The following AGAP1 variants were observed in gnomAD, a reference collection of about 807,000 sequenced individuals.
AGAP1 encodes ArfGAP with GTPase domain, ankyrin repeat and PH domain 1, also known as arf-GAP with GTPase, ANK repeat and PH domain-containing protein 1.
Under a neutral mutation model 105.3 loss-of-function variants are expected in AGAP1, and 29 were observed. The observed-to-expected ratio is 0.28, with a 90% CI of 0.21 to 0.38. The LOEUF (loss-of-function observed/expected upper bound fraction) is 0.38. Among genes scored for constraint, AGAP1 ranks in the 10% least tolerant of loss-of-function variants. The pLI is 1.00. For synonymous variants in AGAP1, 509 were observed against 485.9 expected (o/e 1.05, Z -0.63); for missense variants, 998 against 1,165.1 (o/e 0.86, Z 2.09).
chr2:236,095,829 T>G lies in AGAP1; in HGVS notation c.2115-24363T>G, dbSNP rs1044653729. Among the ~76,000 whole-genome samples, 12 of 152,180 alleles carry G rather than the reference T, an allele frequency of 7.9e-5. No homozygotes were observed. Among genetic ancestry groups the G allele is most frequent in the African/African-American group, 2.9e-4 (12 of 41,458 alleles). On this transcript the variant is annotated intron_variant, in intron 16 of 17. Coordinates refer to ENST00000304032, the MANE Select transcript of AGAP1 (RefSeq NM_001037131.3). The surrounding 1 kb of genome is among the most constrained non-coding windows in gnomAD (Gnocchi z 4.1). ...AAGAGCTGGCCAACTTCCACGATCA[T>G]TATATTTTTGAGTTTTGCATCATGG...
Position 236,120,352 on chromosome 2 carries a change from G to C in AGAP1, c.2275G>C (p.Glu759Gln). 1 of 1,611,960 alleles carries C rather than the reference G, an allele frequency of 6.2e-7. No homozygotes were observed. Among genetic ancestry groups the C allele is most frequent in the Non-Finnish European group, 8.5e-7 (1 of 1,179,738 alleles). ...ILLLAHGSRD[E>Q]VNETCGEGDG... ...GCTGCTGGCACACGGCTCCCGGGAC[G>C]AGGTGAACGAGACCTGCGGGGAGGG... Residue 759 changes from glutamate (E) to glutamine (Q), a missense_variant, in exon 17 of 18, where the codon GAG (glutamate) becomes CAG (glutamine). This residue lies in a region of AGAP1 where 235 missense variants were observed against 270.7 expected (regional missense o/e 0.87). Coordinates refer to ENST00000304032, the MANE Select transcript of AGAP1 (RefSeq NM_001037131.3). The surrounding 1 kb of genome is among the most constrained non-coding windows in gnomAD (Gnocchi z 6.0).
intron 11 of AGAP1, among the ~76,000 whole-genome samples, chr2:235,916,742 A>C (rs543798901): frequency 1.5e-3 from 232 of 152,374 alleles, no homozygotes; most frequent in Non-Finnish European, 2.5e-3. Flanking sequence ...TTAATTCATC[A>C]TCATGGTTAT....
In AGAP1 at chr2:235,531,065, A is replaced by G. The variant is rs530626572; in HGVS notation, c.163+36216A>G. On this transcript the variant is annotated intron_variant, in intron 1 of 17. Coordinates refer to ENST00000304032, the MANE Select transcript of AGAP1 (RefSeq NM_001037131.3). ...GTACAGTGAGAAAACCAGTAGCTGA[A>G]TAAAGATTTAGGGTATTTGGCACAG... is the stretch of plus-strand genomic sequence containing the variant. Among the ~76,000 whole-genome samples the G allele has an allele frequency of 9.2e-5, 14 of 152,332 alleles. No individual in the cohort carries two copies. In the South Asian group the frequency reaches 2.9e-3, roughly 32 times the overall value.
chr2:235,832,139 T>C (rs1959492265), intron 9 of AGAP1, among the ~76,000 whole-genome samples: 1 of 152,246 alleles, frequency 6.6e-6, no homozygotes, highest in Non-Finnish European at 1.5e-5. Context: ...GATCTTCTGC[T>C]CATTTTTTAA....
intron 1 of AGAP1, among the ~76,000 whole-genome samples, chr2:235,525,084 A>G (rs1942777508): frequency 6.6e-6 from 1 of 152,232 alleles, no homozygotes; most frequent in South Asian, 2.1e-4. Context: ...TACAACAGAA[A>G]ATTGAGATTG....
rs923823395 is a variant in AGAP1, at chr2:235,887,638, T to G, written c.1155+4189T>G. On this transcript the variant is annotated intron_variant, in intron 10 of 17. Coordinates refer to ENST00000304032, the MANE Select transcript of AGAP1 (RefSeq NM_001037131.3). The surrounding 1 kb of genome is among the most constrained non-coding windows in gnomAD (Gnocchi z 4.1). ...TGCATTGATCTCATATAGCATAGCC[T>G]ACAGCCCGTTCTTTTCCACAGAGCC... is the stretch of plus-strand genomic sequence containing the variant. Among the ~76,000 whole-genome samples the G allele has an allele frequency of 3.3e-5, 5 of 152,170 alleles. No homozygotes were observed. The highest frequency in any genetic ancestry group is 2.0e-4 in the Admixed American group (3 of 15,280).
intron 16 of AGAP1, among the ~76,000 whole-genome samples, chr2:236,086,241 A>G (rs1270807502): frequency 6.6e-6 from 1 of 152,188 alleles, no homozygotes; most frequent in Admixed American, 6.5e-5. Context: ...TCCTGATTGG[A>G]TCTCAGTGGT....
intron 1 of AGAP1, 81 bp from the exon 2 acceptor site, chr2:235,709,098 T>C: frequency 1.4e-6 from 2 of 1,393,572 alleles, no homozygotes; most frequent in South Asian, 2.3e-5. Context: ...CCTTCGGATG[T>C]GAAAATGGCC....
intron 8 of AGAP1, among the ~76,000 whole-genome samples, chr2:235,803,021 G>T (rs1957629012): frequency 6.8e-6 from 1 of 147,560 alleles, no homozygotes; most frequent in Non-Finnish European, 1.5e-5. Flanking sequence ...TTGTGATGGT[G>T]GTGATGGTTG....
At chr2:235,871,118 C>T (rs1158309823) in intron 9 of AGAP1, among the ~76,000 whole-genome samples, 3 of 152,186 alleles carry the variant, frequency 2.0e-5, no homozygotes, top group African/African-American at 7.2e-5. Flanking sequence ...AAGGGGTCCT[C>T]ATTCTGAGAT....
At chr2:235,892,506 C>T (rs978980147) in intron 10 of AGAP1, among the ~76,000 whole-genome samples, 3 of 151,456 alleles carry the variant, frequency 2.0e-5, no homozygotes, top group Non-Finnish European at 2.9e-5. Flanking sequence ...AGACCCACTT[C>T]TTTACTGATG....
intron 1 of AGAP1, among the ~76,000 whole-genome samples, chr2:235,495,780 C>T (rs1455723237): frequency 6.6e-6 from 1 of 152,236 alleles, no homozygotes; most frequent in African/African-American, 2.4e-5. Flanking sequence ...TCACCTGGGG[C>T]ACCAGGTGGC....
At chr2:235,628,288 G>T (rs1384437531) in intron 1 of AGAP1, among the ~76,000 whole-genome samples, 2 of 152,178 alleles carry the variant, frequency 1.3e-5, no homozygotes, top group Non-Finnish European at 2.9e-5. Context: ...CCTGTGAGCT[G>T]CTCCACTTGG....
Position 235,740,678 on chromosome 2 carries a change from A to C in AGAP1, c.311-285A>C, listed in dbSNP as rs527473467. ...AGTGAGTGAGAATTCCTGAATTTAC[A>C]TAGAAAGCCCACATGAGAAGTCCAC... On this transcript the variant is annotated intron_variant, in intron 3 of 17. Coordinates refer to ENST00000304032, the MANE Select transcript of AGAP1 (RefSeq NM_001037131.3). This position sits in a 1 kb window ranked among gnomAD's most constrained non-coding sequence, Gnocchi z 5.7. Among the ~76,000 whole-genome samples the C allele has an allele frequency of 4.6e-5, 7 of 152,372 alleles. No individual in the cohort carries two copies. Among genetic ancestry groups the C allele is most frequent in the Admixed American group, 6.5e-5 (1 of 15,310 alleles).
rs145283826 is a variant in AGAP1, at chr2:236,038,256, G to A, written c.1800+1541G>A. 1.3e-5 allele frequency among the ~76,000 whole-genome samples: 2 copies of A among 152,188 alleles called. No homozygotes were observed. The highest frequency in any genetic ancestry group is 2.9e-5 in the Non-Finnish European group (2 of 68,040). On this transcript the variant is annotated intron_variant, in intron 14 of 17. Coordinates refer to ENST00000304032, the MANE Select transcript of AGAP1 (RefSeq NM_001037131.3). The surrounding 1 kb of genome is among the most constrained non-coding windows in gnomAD (Gnocchi z 4.5). Reference sequence around the variant, plus strand: ...CAACAGCACACAGCATCCTCCAAGCGTGGGCAGCTCATTCTGAGAAGGAAG... The same window carrying A: ...CAACAGCACACAGCATCCTCCAAGCATGGGCAGCTCATTCTGAGAAGGAAG...
rs915019014 is a variant in AGAP1, at chr2:235,639,888, T to G, written c.164-69291T>G. Among the ~76,000 whole-genome samples the G allele has an allele frequency of 6.6e-6, 1 of 152,220 alleles. No individual in the cohort carries two copies. Among genetic ancestry groups the G allele is most frequent in the African/African-American group, 2.4e-5 (1 of 41,462 alleles). On this transcript the variant is annotated intron_variant, in intron 1 of 17. Coordinates refer to ENST00000304032, the MANE Select transcript of AGAP1 (RefSeq NM_001037131.3). This position sits in a 1 kb window ranked among gnomAD's most constrained non-coding sequence, Gnocchi z 5.3. Reference sequence around the variant, plus strand: ...CACGGATTGATAGAGTCAGCAGGGATGGACAGTTTCCCCTTCAGCACCTTT... The same window carrying G: ...CACGGATTGATAGAGTCAGCAGGGAGGGACAGTTTCCCCTTCAGCACCTTT...
intron 13 of AGAP1, among the ~76,000 whole-genome samples, chr2:236,007,469 C>T (rs943026411): frequency 2.0e-5 from 3 of 152,174 alleles, no homozygotes; most frequent in Admixed American, 6.5e-5. Context: ...GGTGGTCCAG[C>T]GATCACAGCC....
At chr2:235,861,614 C>T (rs1012170621) in intron 9 of AGAP1, among the ~76,000 whole-genome samples, 1 of 152,250 alleles carries the variant, frequency 6.6e-6, no homozygotes, top group African/African-American at 2.4e-5. Context: ...CAGCCTCTGC[C>T]TGTGATTTGC....
At chr2:235,580,512 C>T (rs891355094) in intron 1 of AGAP1, among the ~76,000 whole-genome samples, 6 of 152,020 alleles carry the variant, frequency 3.9e-5, no homozygotes, top group African/African-American at 1.5e-4. Flanking sequence ...CTAGTGTCTT[C>T]TAGAGGTAGA....
Sources: gnomAD v4.1 joint callset for allele counts (sites outside exome capture counted in the v4.1 genomes callset) on GRCh38, gnomAD v4.1.1 for gene constraint, gnomAD v4.1.1 regional missense constraint, Gnocchi (gnomAD v3.1) non-coding constraint, MANE v1.5 for transcripts, NCBI Gene and HGNC (gene_info 2026-07-23, HGNC 2026-07-21) for gene names.